Variants in ANKRD28 observed in about 807,000 individuals in gnomAD.
ANKRD28 encodes the protein serine/threonine-protein phosphatase 6 regulatory ankyrin repeat subunit A.
Under a neutral mutation model 126.5 loss-of-function variants are expected in ANKRD28, and 44 were observed. That is an observed-to-expected ratio of 0.35 (90% CI 0.27 to 0.45). ANKRD28 has a LOEUF of 0.45. Ranked by LOEUF, ANKRD28 falls within the 20% of genes least tolerant of loss-of-function variation. The pLI is 1.00. For missense variants in ANKRD28, 1,110 were observed against 1,316.6 expected (o/e 0.84, Z 2.43); for synonymous variants, 442 against 468.5 (o/e 0.94, Z 0.73).
chr3:15,795,177 T>C, intron 2 of ANKRD28, 46 bp downstream of exon 2: 1 of 1,310,596 alleles, frequency 7.6e-7, no homozygotes, highest in Non-Finnish European at 1.1e-6. Context: ...GAAAGAATTT[T>C]AAAAAGCAGT....
Position 15,766,977 on chromosome 3 carries a change from T to C in ANKRD28, c.202-665A>G, listed in dbSNP as rs543793981. Among the ~76,000 whole-genome samples the C allele has an allele frequency of 5.3e-5, 8 of 152,326 alleles. No individual in the cohort carries two copies. The East Asian group carries it at 1.5e-3, about 29-fold the overall frequency. On this transcript the variant is annotated intron_variant, in intron 2 of 27. Coordinates refer to ENST00000683139, the MANE Select transcript of ANKRD28 (RefSeq NM_001349278.2). ...GCTTATCAAAATGTTTTCACAACAGTACCCTTAGGGGCAAAAAGGGAAAAT... is the reference window on the plus strand; with the variant it reads ...GCTTATCAAAATGTTTTCACAACAGCACCCTTAGGGGCAAAAAGGGAAAAT...
In ANKRD28 at chr3:15,833,798, G is replaced by A. The variant is rs1232786342; in HGVS notation, c.27+25579C>T. 6.6e-6 allele frequency among the ~76,000 whole-genome samples: 1 copy of A among 151,908 alleles called. No individual in the cohort carries two copies. Among genetic ancestry groups the A allele is most frequent in the Non-Finnish European group, 1.5e-5 (1 of 67,980 alleles). ...CCCACATGCTTAGTGTTCCAATAAT[G>A]GAACACTAGGCATAAGTGGATTAAT... On this transcript the variant is annotated intron_variant, in intron 1 of 27. Transcript: ENST00000399451. The surrounding 1 kb of genome is among the most constrained non-coding windows in gnomAD (Gnocchi z 4.4).
rs2074921671 is a variant in ANKRD28 at position 15,734,989 on chromosome 3, A to G, written c.640+421T>C. On this transcript the variant is annotated intron_variant, in intron 6 of 27. Coordinates refer to ENST00000683139, the MANE Select transcript of ANKRD28 (RefSeq NM_001349278.2). ...ATTCCAAGCCCCAGTTTCTTTCTAT[A>G]AATTTACTATTATAGAAATCAAACA... Among the ~76,000 whole-genome samples, 7 of 152,204 alleles carry G rather than the reference A, an allele frequency of 4.6e-5. No individual in the cohort carries two copies. The South Asian group carries it at 1.4e-3, about 32-fold the overall frequency.
At chr3:15,751,054 G>A (rs1000146396) in intron 4 of ANKRD28, among the ~76,000 whole-genome samples, 4 of 151,902 alleles carry the variant, frequency 2.6e-5, no homozygotes, top group Non-Finnish European at 5.9e-5. Context: ...GATGATTCAG[G>A]TTTTTGTCTC....
chr3:15,750,578 G>A (rs918226296), intron 4 of ANKRD28, among the ~76,000 whole-genome samples: 1 of 152,150 alleles, frequency 6.6e-6, no homozygotes, highest in South Asian at 2.1e-4. Flanking sequence ...TCCTAACTAG[G>A]AGGCTACAGC....
intron 1 of ANKRD28, among the ~76,000 whole-genome samples, chr3:15,856,406 G>A (rs977776247): frequency 2.0e-5 from 3 of 151,936 alleles, no homozygotes; most frequent in African/African-American, 4.8e-5. Context: ...TTCTTACTAG[G>A]GTGTACTGCT....
chr3:15,719,998 T>G (rs1349744167), intron 8 of ANKRD28, among the ~76,000 whole-genome samples: 1 of 152,060 alleles, frequency 6.6e-6, no homozygotes, highest in African/African-American at 2.4e-5. Context: ...ACCTCCCAAG[T>G]AGCTGGGACT....
chr3:15,768,857 A>G (rs1042274377), intron 2 of ANKRD28, among the ~76,000 whole-genome samples: 1 of 152,194 alleles, frequency 6.6e-6, no homozygotes, highest in Admixed American at 6.5e-5. Context: ...CAATTAGCAC[A>G]AGACCTTGTT....
In ANKRD28 at chr3:15,713,514, GGTAA is replaced by G; in HGVS notation, c.1190+9_1190+12del. 2 of 1,600,772 alleles carry G rather than the reference GGTAA, an allele frequency of 1.2e-6. No homozygotes were observed. Among genetic ancestry groups the G allele is most frequent in the Non-Finnish European group, 1.7e-6 (2 of 1,172,162 alleles). On this transcript the variant is annotated intron_variant, in intron 10 of 27. Transcript: ENST00000683139. Reference sequence around the variant, plus strand: ...TGCCTGTATCAGTTATCAACACCTCGGTAAGTACTTACTTTGCAGTGTCAGCACC... The same window carrying G: ...TGCCTGTATCAGTTATCAACACCTCGGTACTTACTTTGCAGTGTCAGCACC...
At chr3:15,795,480 A>G (rs932409491) in intron 1 of ANKRD28, among the ~76,000 whole-genome samples, 174 bp from the exon 2 acceptor site, 2 of 151,904 alleles carry the variant, frequency 1.3e-5, no homozygotes, top group Non-Finnish European at 1.5e-5. Flanking sequence ...TCCTACTTGG[A>G]AAAAAAAGGC....
chr3:15,823,306 C>T (rs1368771857), intron 1 of ANKRD28, among the ~76,000 whole-genome samples: 1 of 152,148 alleles, frequency 6.6e-6, no homozygotes, highest in East Asian at 1.9e-4. Context: ...CCTTGAAGGC[C>T]GCTCACCTCC....
chr3:15,730,738 A>T (rs1057061315), intron 6 of ANKRD28, among the ~76,000 whole-genome samples: 1 of 152,246 alleles, frequency 6.6e-6, no homozygotes, highest in Non-Finnish European at 1.5e-5. Flanking sequence ...GAAAAAGGAT[A>T]ATTATAAATC....
intron 20 of ANKRD28, among the ~76,000 whole-genome samples, chr3:15,685,692 AATG>A (rs2068031089): frequency 6.6e-6 from 1 of 152,208 alleles, no homozygotes; most frequent in Non-Finnish European, 1.5e-5. Context: ...CAATGAAAAT[AATG>A]ATATTTCAAA....
intron 18 of ANKRD28, chr3:15,686,597 A>G (rs979676394): frequency 7.9e-5 from 33 of 416,996 alleles, no homozygotes; most frequent in Non-Finnish European, 1.3e-4. Flanking sequence ...CTCTCTGGCA[A>G]TGTGGTCAGG....
At chr3:15,827,263 A>G (rs1263226128) in intron 1 of ANKRD28, among the ~76,000 whole-genome samples, 4 of 152,174 alleles carry the variant, frequency 2.6e-5, no homozygotes, top group African/African-American at 4.8e-5. Context: ...ATCCCACTAC[A>G]GGGTATATAA....
chr3:15,855,336 A>AAAAAC (rs1186309583), intron 1 of ANKRD28, among the ~76,000 whole-genome samples: 2 of 152,202 alleles, frequency 1.3e-5, no homozygotes, highest in South Asian at 2.1e-4. Flanking sequence ...CCCTGTTTAA[A>AAAAAC]AAAACAAAAC....
chr3:15,673,477 G>A (rs940211858), intron 27 of ANKRD28, among the ~76,000 whole-genome samples: 2 of 152,156 alleles, frequency 1.3e-5, no homozygotes, highest in Admixed American at 6.5e-5. Flanking sequence ...TGTTCTTGTG[G>A]AGCTTACATT....
intron 2 of ANKRD28, among the ~76,000 whole-genome samples, chr3:15,770,883 A>T (rs2058965669): frequency 6.6e-6 from 1 of 152,202 alleles, no homozygotes; most frequent in Non-Finnish European, 1.5e-5. Context: ...GAATGGTGAG[A>T]GTGTCTTAGA....
chr3:15,821,720 C>T (rs190390666), intron 1 of ANKRD28, among the ~76,000 whole-genome samples: 16 of 152,336 alleles, frequency 1.1e-4, no homozygotes, highest in Admixed American at 9.8e-4. Context: ...CTGCACACCA[C>T]TCCCAACTCC....
Sources: gnomAD v4.1 joint callset for allele counts (sites outside exome capture counted in the v4.1 genomes callset) on GRCh38, gnomAD v4.1.1 for gene constraint, Gnocchi (gnomAD v3.1) non-coding constraint, MANE v1.5 for transcripts, NCBI Gene and HGNC (gene_info 2026-07-23, HGNC 2026-07-21) for gene names.